SHISA9: variants seen among roughly 807,000 people sequenced by gnomAD.
SHISA9 encodes shisa family member 9, also known as protein shisa-9.
A neutral mutation model predicts 38.0 loss-of-function variants in SHISA9; 13 were observed. That is an observed-to-expected ratio of 0.34 (90% confidence interval 0.22 to 0.54). The LOEUF (loss-of-function observed/expected upper bound fraction) is 0.54. Ranked by LOEUF, SHISA9 falls within the 20% of genes least tolerant of loss-of-function variation. SHISA9 has a pLI of 0.91. For synonymous variants in SHISA9, 275 were observed against 242.0 expected, an observed-to-expected ratio of 1.14 and a Z score of -1.27; for missense variants, 538 against 575.8, an observed-to-expected ratio of 0.93 and a Z score of 0.67.
At chr16:13,409,086 G>C in the SHISA9 span, among the ~76,000 whole-genome samples, 1 of 152,178 alleles carries the variant, frequency 6.6e-6, no homozygotes, top group African/African-American at 2.4e-5. Flanking sequence ...CAGACAAGTG[G>C]TAGAATGGTA....
chr16:12,974,652 A>G (rs12930843), intron 2 of SHISA9, among the ~76,000 whole-genome samples: 20 of 151,776 alleles, frequency 1.3e-4, no homozygotes, highest in Non-Finnish European at 2.2e-4. Context: ...TGCCCAGCTA[A>G]TTTTTATTAT....
chr16:13,485,258 G>C, the SHISA9 span, among the ~76,000 whole-genome samples: 1 of 151,952 alleles, frequency 6.6e-6, no homozygotes, highest in Non-Finnish European at 1.5e-5. Flanking sequence ...GTTCTCATTG[G>C]TCAACTCCCA....
At chr16:13,167,689 C>T (rs976058085) in intron 2 of SHISA9, among the ~76,000 whole-genome samples, 1 of 152,196 alleles carries the variant, frequency 6.6e-6, no homozygotes, top group African/African-American at 2.4e-5. Flanking sequence ...CTCTCTCTTC[C>T]TCCTGCTCTG....
chr16:12,955,378 T>C (rs539609867), intron 2 of SHISA9, among the ~76,000 whole-genome samples: 91 of 152,224 alleles, frequency 6.0e-4, no homozygotes, highest in African/African-American at 2.1e-3. Context: ...GCACATTCAG[T>C]CTCTGGGCAG....
At chr16:13,283,229 G>A in the SHISA9 span, among the ~76,000 whole-genome samples, 1 of 152,070 alleles carries the variant, frequency 6.6e-6, no homozygotes, top group East Asian at 1.9e-4. Flanking sequence ...ATTTTATTTA[G>A]AATGTATTTA....
chr16:12,921,864 GAT>G (rs1302721566), intron 2 of SHISA9, among the ~76,000 whole-genome samples: 15 of 152,322 alleles, frequency 9.8e-5, no homozygotes, highest in African/African-American at 3.4e-4. Context: ...AAATATGTAA[GAT>G]AGTGTAATAT....
At chr16:12,966,747 A>T (rs2071984363) in intron 2 of SHISA9, among the ~76,000 whole-genome samples, 1 of 152,238 alleles carries the variant, frequency 6.6e-6, no homozygotes, top group Non-Finnish European at 1.5e-5. Context: ...AGTGCTAAGA[A>T]AATTTACTGA....
At position 12,993,403 on chromosome 16, in the gene SHISA9, G is replaced by A. The variant is rs547028469; in HGVS notation, c.691+76588G>A. Among the ~76,000 whole-genome samples the A allele has an allele frequency of 9.6e-4, 146 of 152,040 alleles. 1 individual carries two copies. Among genetic ancestry groups the A allele is most frequent in the Non-Finnish European group, 1.4e-3 (96 of 67,988 alleles). On this transcript the variant is annotated intron_variant, in intron 2 of 4. Coordinates refer to ENST00000558583, the MANE Select transcript of SHISA9 (RefSeq NM_001145204.3). ...ATTTGTATCTGGTCTATCTGGTCTC[G>A]GTTTTTCCTAGTGGCGTGACTTTAG...
the SHISA9 span, among the ~76,000 whole-genome samples, chr16:13,272,077 T>TAAA: frequency 2.6e-5 from 3 of 117,538 alleles, no homozygotes; most frequent in Non-Finnish European, 3.7e-5. Flanking sequence ...ATCTCAAAAT[T>TAAA]AAAAAAAAAA....
chr16:13,091,529 C>T (rs1016897475), intron 2 of SHISA9, among the ~76,000 whole-genome samples: 3 of 152,188 alleles, frequency 2.0e-5, no homozygotes, highest in African/African-American at 7.2e-5. Flanking sequence ...AACTTCTCTT[C>T]TCACTTTATT....
intron 2 of SHISA9, among the ~76,000 whole-genome samples, chr16:12,999,054 T>G (rs1208698957): frequency 1.3e-5 from 2 of 152,172 alleles, no homozygotes; most frequent in Non-Finnish European, 2.9e-5. Context: ...ACACCTTATT[T>G]GGTATATATT....
At chr16:13,187,310 C>CTTCTTTTCTTTTCTTTTCTT (rs1190991785) in intron 2 of SHISA9, among the ~76,000 whole-genome samples, 13 of 113,886 alleles carry the variant, frequency 1.1e-4, no homozygotes, top group African/African-American at 4.8e-4. Flanking sequence ...ACAGAGAAGG[C>CTTCTTTTCTTTTCTTTTCTT]TTCTTTTCTT....
At chr16:13,161,906 G>A (rs1243861111) in intron 2 of SHISA9, among the ~76,000 whole-genome samples, 1 of 152,078 alleles carries the variant, frequency 6.6e-6, no homozygotes, top group Non-Finnish European at 1.5e-5. Flanking sequence ...TTTTATTGGT[G>A]ATACACATTG....
At chr16:13,152,849 G>A (rs376479098) in intron 2 of SHISA9, among the ~76,000 whole-genome samples, 1 of 152,226 alleles carries the variant, frequency 6.6e-6, no homozygotes, top group Admixed American at 6.5e-5. Flanking sequence ...TACATGGCAA[G>A]AGAGAATTAA....
intron 2 of SHISA9, among the ~76,000 whole-genome samples, chr16:12,987,972 C>G (rs1479660793): frequency 6.6e-6 from 1 of 152,182 alleles, no homozygotes; most frequent in Admixed American, 6.5e-5. Flanking sequence ...TCCAGTGTTC[C>G]TATTCTTGGA....
At chr16:13,037,122 A>G (rs954385200) in intron 2 of SHISA9, among the ~76,000 whole-genome samples, 9 of 145,758 alleles carry the variant, frequency 6.2e-5, no homozygotes, top group African/African-American at 2.3e-4. Flanking sequence ...ACACACACAC[A>G]CACACACACA....
At chr16:12,959,129 A>T (rs967216169) in intron 2 of SHISA9, among the ~76,000 whole-genome samples, 7 of 152,228 alleles carry the variant, frequency 4.6e-5, no homozygotes, top group Non-Finnish European at 7.3e-5. Context: ...TTTGTGTTTT[A>T]AGAGCCTGTT....
rs746981604 is a variant in SHISA9, at chr16:13,200,928, G to A, written c.692-2466G>A. On this transcript the variant is annotated intron_variant, in intron 2 of 4. Coordinates refer to ENST00000558583, the MANE Select transcript of SHISA9 (RefSeq NM_001145204.3). ...TGGTTTCTAAAGCCACACATTTTCC[G>A]TATGCATCAGGGGTTGAGTTATCTA... 3.0e-5 allele frequency among the ~76,000 whole-genome samples: 4 copies of A among 135,304 alleles called. 1 individual carries two copies. The highest frequency in any genetic ancestry group is 6.4e-5 in the Non-Finnish European group (4 of 62,104). The allele number at this position is 135,304 out of a possible 152,430, so 88.8% of individuals were successfully genotyped here. A position where few individuals can be genotyped will look rare whatever the true frequency, so the allele number is the denominator to read the frequency against.
chr16:13,164,456 T>A (rs1019344424), intron 2 of SHISA9, among the ~76,000 whole-genome samples: 2 of 152,126 alleles, frequency 1.3e-5, no homozygotes, highest in African/African-American at 2.4e-5. Context: ...TTCCTTGTAA[T>A]GTTTTTCTTT....
Sources: gnomAD v4.1 joint callset for allele counts (sites outside exome capture counted in the v4.1 genomes callset) on GRCh38, gnomAD v4.1.1 for gene constraint, MANE v1.5 for transcripts, NCBI Gene and HGNC (gene_info 2026-07-23, HGNC 2026-07-21) for gene names.